The following DYRK4 variants were observed in gnomAD, a reference collection of about 807,000 sequenced individuals.
DYRK4 encodes the protein dual specificity tyrosine phosphorylation regulated kinase 4, also known as dual specificity tyrosine-phosphorylation-regulated kinase 4.
In DYRK4, 64 loss-of-function variants were observed where a neutral mutation model predicts 68.3. The ratio of observed to expected loss-of-function variants is 0.94; its 90% CI spans 0.77 to 1.15. DYRK4 has a LOEUF of 1.15. DYRK4 is among the 50% of genes most tolerant of loss of function. The probability of loss-of-function intolerance (pLI) is 0.00; values close to 1 mark genes in which losing one functional copy is unlikely to be tolerated. For missense variants in DYRK4, 740 were observed against 764.7 expected (o/e 0.97, Z 0.38); for synonymous variants, 274 against 289.9 (o/e 0.95, Z 0.56).
At chr12:4,586,729 C>CACATACACACAG (rs368783190) in intron 2 of DYRK4, among the ~76,000 whole-genome samples, 6 of 112,362 alleles carry the variant, frequency 5.3e-5, no homozygotes, top group Admixed American at 9.5e-5. Context: ...CACACACACA[C>CACATACACACAG]ACAGACACAC....
intron 2 of DYRK4, among the ~76,000 whole-genome samples, chr12:4,570,738 T>C (rs1944722774): frequency 6.6e-6 from 1 of 152,234 alleles, no homozygotes; most frequent in Non-Finnish European, 1.5e-5. Context: ...GATATAACAA[T>C]CAAGTATTCA....
intron 10 of DYRK4, 25 bp from the exon 11 acceptor site, chr12:4,604,889 G>C: frequency 6.4e-7 from 1 of 1,560,720 alleles, no homozygotes; most frequent in Non-Finnish European, 8.7e-7. Flanking sequence ...TGTCCCACGA[G>C]GTTTCTCTTA....
intron 2 of DYRK4, among the ~76,000 whole-genome samples, chr12:4,577,875 G>A (rs1302683669): frequency 6.6e-6 from 1 of 152,098 alleles, no homozygotes; most frequent in African/African-American, 2.4e-5. Context: ...AAGTATTTCA[G>A]TTTCTTGGGA....
chr12:4,585,954 G>A (rs561844203), intron 2 of DYRK4, among the ~76,000 whole-genome samples: 33 of 152,292 alleles, frequency 2.2e-4, no homozygotes, highest in East Asian at 3.9e-4. Context: ...GATGGTTCAC[G>A]CCTGTAATCC....
intron 11 of DYRK4, among the ~76,000 whole-genome samples, chr12:4,605,748 T>C (rs980035386): frequency 6.8e-6 from 1 of 146,354 alleles, no homozygotes; most frequent in Non-Finnish European, 1.5e-5. Flanking sequence ...TTTTTTTTTT[T>C]TTTTTTTCCA....
chr12:4,597,039 CTTTG>C lies in DYRK4; in HGVS notation c.905+315_905+318del, dbSNP rs1158604905. The C allele has an allele frequency of 3.4e-6, 4 of 1,177,648 alleles. No individual in the cohort carries two copies. In the South Asian group the frequency reaches 8.3e-5, roughly 24 times the overall value. The allele number at this position is 1,177,648 out of a possible 1,614,324, so 72.9% of individuals were successfully genotyped here. The stretch of plus-strand genomic sequence containing the variant: ...ACTGAAATAGTCAAAAAGGACATTT[CTTTG>C]TTTGCAGTCATTTTCCCCACTCATT... On this transcript the variant is annotated intron_variant, in intron 8 of 14. Transcript: ENST00000543431.
chr12:4,603,630 C>G (rs1945106764), intron 10 of DYRK4, among the ~76,000 whole-genome samples: 1 of 152,234 alleles, frequency 6.6e-6, no homozygotes, highest in African/African-American at 2.4e-5. Flanking sequence ...ACTGCCATGG[C>G]AACAGCATGC....
intron 2 of DYRK4, among the ~76,000 whole-genome samples, chr12:4,587,969 C>A (rs1212610708): frequency 6.6e-6 from 1 of 152,220 alleles, no homozygotes; most frequent in African/African-American, 2.4e-5. Flanking sequence ...CAAGCTCTAG[C>A]CTGTTGTTTG....
intron 2 of DYRK4, among the ~76,000 whole-genome samples, chr12:4,586,184 A>G (rs1944894496): frequency 6.6e-6 from 1 of 152,148 alleles, no homozygotes; most frequent in Non-Finnish European, 1.5e-5. Flanking sequence ...ACAGGGCAAG[A>G]CACCTTCTCT....
In DYRK4 at chr12:4,591,250, G is replaced by A; in HGVS notation, c.415G>A (p.Ala139Thr). Residue 139 changes from alanine (A) to threonine (T), a missense_variant, in exon 5 of 15, where the codon GCA (alanine) becomes ACA (threonine). This residue lies in a region of DYRK4 where 614 missense variants were observed against 603.7 expected (regional missense o/e 1.02). Coordinates refer to ENST00000543431, the MANE Select transcript of DYRK4 (RefSeq NM_001394779.1). This position sits in a 1 kb window ranked among gnomAD's most constrained non-coding sequence, Gnocchi z 4.1. ...TAGCATTAAAACCCAGGATCCCAAG[G>A]CAGAGGAGAAGTCACCAAAGAAGCA... ...HPSIKTQDPKAEEKSPKKQKV... is the reference protein window; with the variant it reads ...HPSIKTQDPKTEEKSPKKQKV... 3 of 1,614,120 alleles carry A rather than the reference G, an allele frequency of 1.9e-6. No individual in the cohort carries two copies. The highest frequency in any genetic ancestry group is 2.5e-6 in the Non-Finnish European group (3 of 1,180,022).
At chr12:4,603,254 T>C in intron 10 of DYRK4, 1 of 902,318 alleles carries the variant, frequency 1.1e-6, no homozygotes, top group South Asian at 1.4e-5. Flanking sequence ...TATTACTGTT[T>C]CATTCTCTTT....
chr12:4,610,277 T>A lies in DYRK4; in HGVS notation c.1483T>A (p.Cys495Ser), dbSNP rs200748194. Reference sequence around the variant, plus strand: ...CAGCTTCCTGGACTTTCTCAGAAGGTGTTTGGTGTGAGTTTGTTGGGACAT... The same window carrying A: ...CAGCTTCCTGGACTTTCTCAGAAGGAGTTTGGTGTGAGTTTGTTGGGACAT... ...DTSFLDFLRR[C>S]LVWEPSLRMT... The change falls in exon 13 of 15, where the codon TGT (cysteine) becomes AGT (serine). Residue 495 changes from cysteine (C) to serine (S), a missense_variant. Cys to Ser is a moderately radical substitution (Grantham distance 112). This residue lies in a region of DYRK4 where 614 missense variants were observed against 603.7 expected (regional missense o/e 1.02). Coordinates refer to ENST00000543431, the MANE Select transcript of DYRK4 (RefSeq NM_001394779.1). The A allele has an allele frequency of 1.9e-6, 3 of 1,565,792 alleles. No homozygotes were observed. Among genetic ancestry groups the A allele is most frequent in the Non-Finnish European group, 2.6e-6 (3 of 1,160,986 alleles).
intron 10 of DYRK4, among the ~76,000 whole-genome samples, chr12:4,600,703 G>T (rs1010214188): frequency 2.0e-5 from 3 of 151,730 alleles, no homozygotes; most frequent in African/African-American, 7.3e-5. Flanking sequence ...TTGAGAAGGG[G>T]TGTGAAGCTT....
At chr12:4,594,132 GC>G (rs1565538589) in intron 6 of DYRK4, among the ~76,000 whole-genome samples, 1 of 152,180 alleles carries the variant, frequency 6.6e-6, no homozygotes. Flanking sequence ...CCCTTTGGGA[GC>G]CTGATAAAAG....
intron 8 of DYRK4, among the ~76,000 whole-genome samples, chr12:4,598,604 ACT>A (rs1945044895): frequency 6.6e-6 from 1 of 151,906 alleles, no homozygotes; most frequent in South Asian, 2.1e-4. Flanking sequence ...CCATCTGCCC[ACT>A]CTCTTGTTCC....
At chr12:4,596,374 C>G in intron 7 of DYRK4, 89 bp downstream of exon 7, 3 of 1,579,488 alleles carry the variant, frequency 1.9e-6, no homozygotes, top group Admixed American at 1.8e-5. Flanking sequence ...CTGTGCCTCT[C>G]CCTCCAATCT....
chr12:4,587,308 C>T (rs1384502855), intron 2 of DYRK4, among the ~76,000 whole-genome samples: 1 of 152,152 alleles, frequency 6.6e-6, no homozygotes, highest in Non-Finnish European at 1.5e-5. Context: ...TCGGTTAAAG[C>T]CCAGACCAAG....
At chr12:4,597,675 T>A (rs895697404) in intron 8 of DYRK4, among the ~76,000 whole-genome samples, 1 of 152,092 alleles carries the variant, frequency 6.6e-6, no homozygotes, top group Non-Finnish European at 1.5e-5. Context: ...CCCAGAGAGA[T>A]GAGGGAGTTG....
chr12:4,568,858 T>A (rs1489092672), intron 2 of DYRK4, among the ~76,000 whole-genome samples: 2 of 152,156 alleles, frequency 1.3e-5, no homozygotes, highest in African/African-American at 4.8e-5. Context: ...CACCACTCAG[T>A]TTGAATTTCT....
Sources: gnomAD v4.1 joint callset for allele counts (sites outside exome capture counted in the v4.1 genomes callset) on GRCh38, gnomAD v4.1.1 for gene constraint, gnomAD v4.1.1 regional missense constraint, Gnocchi (gnomAD v3.1) non-coding constraint, MANE v1.5 for transcripts, NCBI Gene and HGNC (gene_info 2026-07-23, HGNC 2026-07-21) for gene names.